Variants in NFATC2 observed in about 807,000 individuals in gnomAD.
NFATC2 encodes the protein nuclear factor of activated T-cells, cytoplasmic 2.
In NFATC2, 22 loss-of-function variants were observed where a neutral mutation model predicts 87.3. That is an observed-to-expected ratio of 0.25 (90% CI 0.18 to 0.36). NFATC2 has a LOEUF of 0.36. Among genes scored for constraint, NFATC2 ranks in the 10% least tolerant of loss-of-function variants. The pLI, the probability that NFATC2 is intolerant of heterozygous loss-of-function variation, is 1.00. For synonymous variants in NFATC2, 565 were observed against 542.2 expected (o/e 1.04, Z -0.58); for missense variants, 1,149 against 1,259.1 (o/e 0.91, Z 1.32).
At chr20:51,505,502 G>A (rs1600895171) in intron 3 of NFATC2, among the ~76,000 whole-genome samples, 1 of 151,470 alleles carries the variant, frequency 6.6e-6, no homozygotes, top group African/African-American at 2.4e-5. Context: ...ATGTGTATTT[G>A]TATGTGTCTC....
At chr20:51,468,865 T>C (rs933605801) in intron 5 of NFATC2, among the ~76,000 whole-genome samples, 1 of 152,172 alleles carries the variant, frequency 6.6e-6, no homozygotes, top group Non-Finnish European at 1.5e-5. Context: ...GAGGAGGGGT[T>C]AGCCAAGCCA....
At chr20:51,506,121 T>A (rs1231603963) in intron 3 of NFATC2, among the ~76,000 whole-genome samples, 1 of 152,188 alleles carries the variant, frequency 6.6e-6, no homozygotes, top group Non-Finnish European at 1.5e-5. Flanking sequence ...GAGCCTCAGT[T>A]TCCTCAGCTG....
At chr20:51,481,323 G>A (rs571769955) in intron 3 of NFATC2, among the ~76,000 whole-genome samples, 21 of 151,730 alleles carry the variant, frequency 1.4e-4, no homozygotes, top group African/African-American at 3.1e-4. Context: ...GGGAGACCTC[G>A]GTCAGGAGGC....
intron 9 of NFATC2, among the ~76,000 whole-genome samples, chr20:51,422,742 G>A (rs1248765254): frequency 6.6e-6 from 1 of 152,136 alleles, no homozygotes. Context: ...CTACTTCAGG[G>A]CAGGGGGCTT....
upstream of NFATC2, among the ~76,000 whole-genome samples, chr20:51,546,663 C>T (rs1021112840): frequency 6.6e-6 from 1 of 152,152 alleles, no homozygotes; most frequent in Non-Finnish European, 1.5e-5. Context: ...ACTATTTGAC[C>T]CTGGCCCAGG....
intron 3 of NFATC2, among the ~76,000 whole-genome samples, chr20:51,476,146 A>G (rs1988694736): frequency 6.7e-6 from 1 of 150,280 alleles, no homozygotes; most frequent in South Asian, 2.1e-4. Context: ...TTATATATGT[A>G]TACATGTGCC....
At chr20:51,392,887 C>G (rs1986532126) in intron 10 of NFATC2, among the ~76,000 whole-genome samples, 1 of 152,206 alleles carries the variant, frequency 6.6e-6, no homozygotes, top group South Asian at 2.1e-4. Context: ...ATGCAAAGAG[C>G]TGAATGAACC....
In NFATC2 at chr20:51,398,729, C is replaced by G. The variant is rs769575382; in HGVS notation, c.2724G>C (p.Glu908Asp). 2 of 1,608,018 alleles carry G rather than the reference C, an allele frequency of 1.2e-6. No homozygotes were observed. Among genetic ancestry groups the G allele is most frequent in the Non-Finnish European group, 1.7e-6 (2 of 1,175,774 alleles). ...QNLDQTYLDD[E>D]LIDTHLSWIQ... ...TCCAGCTAAGGTGTGTGTCTATCAGCTCTGAAAAAGATTTGCAAAATCATT... is the reference window on the plus strand; with the variant it reads ...TCCAGCTAAGGTGTGTGTCTATCAGGTCTGAAAAAGATTTGCAAAATCATT... Residue 908 changes from glutamate to aspartate, a missense_variant and splice_region_variant, in exon 10 of 11, where the codon GAG (glutamate) becomes GAC (aspartate). This residue lies in a region of NFATC2 where 581 missense variants were observed against 649.7 expected (regional missense o/e 0.89). Transcript: ENST00000371564.
rs78425855 is a variant in NFATC2 at position 51,397,308 on chromosome 20, G to C, written c.*44+1335C>G. Among the ~76,000 whole-genome samples, 1,457 of 152,280 alleles carry C rather than the reference G, an allele frequency of 9.6e-3. 30 individuals carry two copies. The highest frequency in any genetic ancestry group is 0.034 in the African/African-American group (1,411 of 41,538). On this transcript the variant is annotated intron_variant, in intron 10 of 10. Transcript: ENST00000371564. ...TCATCTTCTCCAGGGAAACCTGGCCGTACTTGAGTGAGGCTCAGTGAAAAG... is the reference window on the plus strand; with the variant it reads ...TCATCTTCTCCAGGGAAACCTGGCCCTACTTGAGTGAGGCTCAGTGAAAAG...
At chr20:51,505,457 G>GTA (rs572264759) in intron 3 of NFATC2, among the ~76,000 whole-genome samples, 15,198 of 150,542 alleles carry the variant, frequency 0.1, 796 homozygotes, top group Middle Eastern at 0.18. Context: ...GTGTAGGTGT[G>GTA]TGTATATATA....
intron 3 of NFATC2, among the ~76,000 whole-genome samples, chr20:51,513,994 C>T (rs891005144): frequency 6.6e-6 from 1 of 152,222 alleles, no homozygotes; most frequent in Non-Finnish European, 1.5e-5. Flanking sequence ...CATTTAATAG[C>T]CATAACCTTG....
chr20:51,531,143 G>A (rs2076626560), intron 1 of NFATC2, among the ~76,000 whole-genome samples: 1 of 152,200 alleles, frequency 6.6e-6, no homozygotes, highest in Non-Finnish European at 1.5e-5. Context: ...AATGTCTCCA[G>A]GCATCGCCAA....
chr20:51,449,401 G>A (rs1209676154), intron 6 of NFATC2, among the ~76,000 whole-genome samples: 6 of 152,078 alleles, frequency 3.9e-5, no homozygotes, highest in Non-Finnish European at 5.9e-5. Context: ...GAAGCCCACC[G>A]TGTCCCTAAC....
chr20:51,499,869 G>A (rs1365315981), intron 3 of NFATC2, among the ~76,000 whole-genome samples: 1 of 152,174 alleles, frequency 6.6e-6, no homozygotes, highest in Non-Finnish European at 1.5e-5. Flanking sequence ...TTGTAAGATA[G>A]TAGAACCCAA....
intron 6 of NFATC2, among the ~76,000 whole-genome samples, chr20:51,453,646 C>T (rs938233792): frequency 6.6e-6 from 1 of 152,106 alleles, no homozygotes; most frequent in African/African-American, 2.4e-5. Flanking sequence ...AAAAAGACAC[C>T]GATAGTACAC....
chr20:51,471,617 C>T (rs1988204792), intron 5 of NFATC2, among the ~76,000 whole-genome samples: 1 of 152,188 alleles, frequency 6.6e-6, no homozygotes, highest in African/African-American at 2.4e-5. Context: ...TTTCCAAAGA[C>T]CAACCAAGAC....
At chr20:51,418,183 A>G (rs980222833) in intron 9 of NFATC2, among the ~76,000 whole-genome samples, 2 of 152,230 alleles carry the variant, frequency 1.3e-5, no homozygotes, top group African/African-American at 4.8e-5. Flanking sequence ...CCAGTCCACC[A>G]GTAACAATCT....
chr20:51,540,186 T>C (rs2076783484), intron 1 of NFATC2, among the ~76,000 whole-genome samples: 1 of 152,158 alleles, frequency 6.6e-6, no homozygotes. Context: ...CTAATTTGTG[T>C]ATTTTTAGTA....
At chr20:51,442,719 T>C (rs1265535882) in intron 6 of NFATC2, among the ~76,000 whole-genome samples, 11 of 151,814 alleles carry the variant, frequency 7.2e-5, no homozygotes, top group Non-Finnish European at 1.3e-4. Context: ...TTTTTTTTTT[T>C]TTCTTAAGAA....
Sources: allele counts gnomAD v4.1 joint callset (sites outside exome capture counted in the v4.1 genomes callset), GRCh38; gene constraint gnomAD v4.1.1; regional missense constraint gnomAD v4.1.1; transcripts MANE v1.5; gene names NCBI Gene and HGNC (gene_info 2026-07-23, HGNC 2026-07-21).